SLC16A2: variants seen among roughly 807,000 people sequenced by gnomAD.
SLC16A2 encodes monocarboxylate transporter 8.
A neutral mutation model predicts 27.2 loss-of-function variants in SLC16A2; 3 were observed. The ratio of observed to expected loss-of-function variants is 0.11; its 90% confidence interval spans 0.05 to 0.28. The LOEUF is 0.28. Among genes scored for constraint, SLC16A2 ranks in the 10% least tolerant of loss-of-function variants. SLC16A2 has a pLI of 1.00. For synonymous variants in SLC16A2, 202 were observed against 187.8 expected (o/e 1.08, Z -0.62); for missense variants, 295 against 458.5 (o/e 0.64, Z 3.26).
chrX:74,453,409 C>A (rs1928980203), intron 1 of SLC16A2, among the ~76,000 whole-genome samples: 1 of 110,663 alleles, frequency 9.0e-6, no homozygotes, highest in Non-Finnish European at 1.9e-5. Context: ...CTTGACTCAC[C>A]TTTTTAAAAT....
intron 1 of SLC16A2, among the ~76,000 whole-genome samples, chrX:74,514,887 G>A (rs1361475951): frequency 2.7e-5 from 3 of 111,970 alleles, no homozygotes; most frequent in African/African-American, 9.7e-5. Flanking sequence ...ACCCCCATTT[G>A]GTAGTAATGA....
chrX:74,479,877 G>A (rs1024393021), intron 1 of SLC16A2, among the ~76,000 whole-genome samples: 1 of 111,861 alleles, frequency 8.9e-6, no homozygotes, highest in African/African-American at 3.3e-5. Context: ...AGCCGTGTGA[G>A]TTGTCAGTCT....
intron 1 of SLC16A2, among the ~76,000 whole-genome samples, chrX:74,440,778 C>T (rs1301917625): frequency 9.9e-6 from 1 of 101,376 alleles, no homozygotes; most frequent in African/African-American, 3.7e-5. Flanking sequence ...GACGTGAACA[C>T]GGATGTGGTA....
chrX:74,431,291 G>C (rs1928530183), intron 1 of SLC16A2, among the ~76,000 whole-genome samples: 1 of 112,562 alleles, frequency 8.9e-6, no homozygotes, highest in Admixed American at 9.4e-5. Context: ...GTCATAAAAA[G>C]AATGAAATTA....
chrX:74,504,355 G>C (rs1306283269), intron 1 of SLC16A2, among the ~76,000 whole-genome samples: 1 of 110,593 alleles, frequency 9.0e-6, no homozygotes, highest in East Asian at 2.9e-4. Flanking sequence ...AGAGGAAGGG[G>C]TTAGAAACTT....
rs146420857 is a variant in SLC16A2, at chrX:74,473,524, G to A, written c.431-47466G>A. The A allele has an allele frequency of 3.8e-3, 2,412 of 628,105 alleles. 34 individuals carry two copies. The African/African-American group carries it at 0.046, about 12-fold the overall frequency. 51.8% of individuals were successfully genotyped at this position (628,105 alleles called of 1,213,427 possible). A position where few individuals can be genotyped will look rare whatever the true frequency, so the allele number is the denominator to read the frequency against. Reference sequence around the variant, plus strand: ...AGGCAAAATCCCTTTTCTTACCACTGCCTCAGTCGGTCATGATTTCAATTA... The same window carrying A: ...AGGCAAAATCCCTTTTCTTACCACTACCTCAGTCGGTCATGATTTCAATTA... On this transcript the variant is annotated intron_variant, in intron 1 of 5. Transcript: ENST00000587091.
At chrX:74,437,153 C>A (rs1020953649) in intron 1 of SLC16A2, among the ~76,000 whole-genome samples, 1 of 112,440 alleles carries the variant, frequency 8.9e-6, no homozygotes, top group East Asian at 2.8e-4. Flanking sequence ...AGCCTCGTGA[C>A]CTCCTTGCCG....
chrX:74,462,249 A>G (rs1929162708), intron 1 of SLC16A2, among the ~76,000 whole-genome samples: 1 of 112,071 alleles, frequency 8.9e-6, no homozygotes, highest in Admixed American at 9.4e-5. Context: ...TTAGTGGTGG[A>G]TCTGAAGTGT....
chrX:74,487,187 G>T (rs1929736992), intron 1 of SLC16A2, among the ~76,000 whole-genome samples: 1 of 110,806 alleles, frequency 9.0e-6, no homozygotes, highest in Non-Finnish European at 1.9e-5. Context: ...CCCATTGAGG[G>T]ACAACAAATT....
At chrX:74,502,765 G>T (rs765787578) in intron 1 of SLC16A2, among the ~76,000 whole-genome samples, 1 of 111,437 alleles carries the variant, frequency 9.0e-6, no homozygotes, top group East Asian at 2.8e-4. Flanking sequence ...TCCCCACAAC[G>T]GACCCTGACA....
In SLC16A2 at chrX:74,529,357, G is replaced by A; in HGVS notation, c.1315G>A (p.Val439Met). 8.3e-7 allele frequency: 1 copy of A among 1,206,874 alleles called. No homozygotes were observed. The highest frequency in any genetic ancestry group is 1.1e-6 in the Non-Finnish European group (1 of 892,719). Residue 439 changes from valine (V) to methionine (M), a missense_variant, in exon 5 of 6, where the codon GTG becomes ATG. Val to Met is a conservative substitution (Grantham distance 21, BLOSUM62 1). Around this residue, in one of 3 missense-constraint regions of SLC16A2, gnomAD observed 144 missense variants for 219.8 expected, o/e 0.66. Transcript: ENST00000587091. ...CATGGCCCCCATTGCATTTGAGCTGGTGGGCCCAATGCAGGCCTCACAGGC... is the reference window on the plus strand; with the variant it reads ...CATGGCCCCCATTGCATTTGAGCTGATGGGCCCAATGCAGGCCTCACAGGC... ...TIMAPIAFEL[V>M]GPMQASQAIG...
chrX:74,476,726 A>T (rs1168421390), intron 1 of SLC16A2, among the ~76,000 whole-genome samples: 2 of 111,838 alleles, frequency 1.8e-5, no homozygotes, highest in Non-Finnish European at 3.8e-5. Flanking sequence ...TCTGCATCTA[A>T]TGAGATAATC....
intron 1 of SLC16A2, among the ~76,000 whole-genome samples, chrX:74,424,690 C>T (rs1489262175): frequency 9.0e-6 from 1 of 111,688 alleles, no homozygotes; most frequent in Admixed American, 9.6e-5. Flanking sequence ...ACATGACTTC[C>T]ATCTCTAAGA....
chrX:74,440,826 G>A (rs762793641), intron 1 of SLC16A2, among the ~76,000 whole-genome samples: 48 of 107,797 alleles, frequency 4.5e-4, no homozygotes, highest in Non-Finnish European at 8.0e-4. Flanking sequence ...GTGTGTGCAC[G>A]CGCATGCATG....
intron 1 of SLC16A2, among the ~76,000 whole-genome samples, chrX:74,484,024 A>G (rs1344178612): frequency 3.6e-5 from 4 of 111,567 alleles, no homozygotes; most frequent in African/African-American, 1.3e-4. Flanking sequence ...GAGCTGGAGG[A>G]AGAGAGAGCT....
At chrX:74,453,314 C>T (rs753384667) in intron 1 of SLC16A2, among the ~76,000 whole-genome samples, 163 of 111,123 alleles carry the variant, frequency 1.5e-3, no homozygotes, top group Non-Finnish European at 2.8e-3. Flanking sequence ...AGATTACGGG[C>T]GTGAGCCAAC....
intron 1 of SLC16A2, among the ~76,000 whole-genome samples, chrX:74,496,983 G>A (rs1023651516): frequency 3.6e-5 from 4 of 111,817 alleles, no homozygotes; most frequent in African/African-American, 1.3e-4. Flanking sequence ...CTCCACTGAT[G>A]CGCTCCTCTC....
In SLC16A2 at chrX:74,531,838, C is replaced by G; in HGVS notation, c.*285C>G. The G allele has an allele frequency of 2.6e-6, 1 of 389,502 alleles. No homozygotes were observed. The highest frequency in any genetic ancestry group is 4.5e-6 in the Non-Finnish European group (1 of 220,508). The allele number at this position is 389,502 out of a possible 1,213,427, so 32.1% of individuals were successfully genotyped here. A position where few individuals can be genotyped will look rare whatever the true frequency, so the allele number is the denominator to read the frequency against. On this transcript the variant is annotated 3_prime_UTR_variant, in exon 6 of 6. Transcript: ENST00000587091. ...AACCTCTCCATATACTTTCTAAGCT[C>G]TGGGGGAGGAGGAGGATGGGACCTC...
intron 1 of SLC16A2, among the ~76,000 whole-genome samples, chrX:74,471,160 A>C (rs1250402266): frequency 8.9e-6 from 1 of 112,058 alleles, no homozygotes; most frequent in Admixed American, 9.5e-5. Flanking sequence ...GTTATACATA[A>C]ACAATTACCA....
Sources: gnomAD v4.1 joint callset for allele counts (sites outside exome capture counted in the v4.1 genomes callset) on GRCh38, gnomAD v4.1.1 for gene constraint, gnomAD v4.1.1 regional missense constraint, MANE v1.5 for transcripts, NCBI Gene and HGNC (gene_info 2026-07-23, HGNC 2026-07-21) for gene names.